Variants in MECR observed in about 807,000 individuals in gnomAD.
MECR encodes enoyl-[acyl-carrier-protein] reductase, mitochondrial.
Under a neutral mutation model 49.1 loss-of-function variants are expected in MECR, and 37 were observed. The observed-to-expected ratio is 0.75, with a 90% CI of 0.58 to 0.99. The LOEUF is 0.99. Among genes scored for constraint, MECR ranks in the 50% least tolerant of loss-of-function variants. The probability of loss-of-function intolerance (pLI) is 0.00; values close to 1 mark genes in which losing one functional copy is unlikely to be tolerated. For missense variants in MECR, 470 were observed against 479.6 expected (o/e 0.98, Z 0.19); for synonymous variants, 198 against 191.1 (o/e 1.04, Z -0.30).
chr1:29,180,452 T>G, the MECR span, among the ~76,000 whole-genome samples: 1 of 152,254 alleles, frequency 6.6e-6, no homozygotes, highest in African/African-American at 2.4e-5. Flanking sequence ...AAATGGCTTT[T>G]TAAACCCAAA....
the MECR span, among the ~76,000 whole-genome samples, chr1:29,178,353 C>CTTCTTTTTTTTTT: frequency 1.0e-3 from 134 of 127,858 alleles, 3 homozygotes; most frequent in Middle Eastern, 4.6e-3. Flanking sequence ...GTTTCAATTA[C>CTTCTTTTTTTTTT]TTTTTTTTTT....
At chr1:29,226,164 A>T (rs12084330) in intron 1 of MECR, among the ~76,000 whole-genome samples, 1 of 79,664 alleles carries the variant, frequency 1.3e-5, no homozygotes, top group Admixed American at 1.7e-4. Flanking sequence ...GCCAGGCTCT[A>T]TCTAAAAAAA....
At chr1:29,180,212 CA>C in the MECR span, among the ~76,000 whole-genome samples, 4 of 151,960 alleles carry the variant, frequency 2.6e-5, no homozygotes, top group Non-Finnish European at 5.9e-5. Flanking sequence ...ACTTTGTCCA[CA>C]AAAGTTAGTT....
the MECR span, among the ~76,000 whole-genome samples, chr1:29,187,353 C>A: frequency 1.3e-4 from 20 of 150,246 alleles, no homozygotes; most frequent in Non-Finnish European, 2.8e-4. Context: ...GCTGGGACTA[C>A]AGGCATGAGC....
the MECR span, among the ~76,000 whole-genome samples, chr1:29,174,487 T>A: frequency 6.6e-6 from 1 of 152,068 alleles, no homozygotes; most frequent in Admixed American, 6.5e-5. Flanking sequence ...ATAACATATG[T>A]ATGTTGGAGT....
chr1:29,200,347 A>G, intron 7 of MECR, 169 bp downstream of exon 7: 1 of 579,304 alleles, frequency 1.7e-6, no homozygotes, highest in Non-Finnish European at 2.9e-6. Flanking sequence ...GGGAAGGCTG[A>G]GAAACCAGTG....
the MECR span, chr1:29,181,789 C>T: frequency 4.6e-6 from 7 of 1,525,572 alleles, no homozygotes; most frequent in Non-Finnish European, 6.1e-6. Flanking sequence ...CCGGCCCCAG[C>T]CCCCCTTAGG....
At chr1:29,189,103 C>G (rs985321755), downstream of MECR, among the ~76,000 whole-genome samples, 1 of 152,032 alleles carries the variant, frequency 6.6e-6, no homozygotes, top group Non-Finnish European at 1.5e-5. Context: ...CCACTCCCGG[C>G]TAATTTTTGT....
At chr1:29,189,880 A>G (rs568162472), downstream of MECR, among the ~76,000 whole-genome samples, 8 of 152,258 alleles carry the variant, frequency 5.3e-5, no homozygotes, top group African/African-American at 1.9e-4. Context: ...AACTGCCACG[A>G]TTCCCTTTTT....
chr1:29,208,278 C>T (rs965724784), intron 3 of MECR, among the ~76,000 whole-genome samples: 2 of 152,362 alleles, frequency 1.3e-5, no homozygotes, highest in African/African-American at 4.8e-5. Context: ...AGGCGTGAGC[C>T]ACTGCGCCCG....
Position 29,193,047 on chromosome 1 carries a change from T to C in MECR, c.*975A>G, listed in dbSNP as rs1138121. ...GCAGTCTAGACCTCCCAGGCTCAGG[T>C]GATCCTCCCACCTCAACCTCCCGAG... On this transcript the variant is annotated 3_prime_UTR_variant, in exon 10 of 10. Transcript: ENST00000263702. 6.6e-6 allele frequency: 1 copy of C among 152,490 alleles called. No individual in the cohort carries two copies. The highest frequency in any genetic ancestry group is 2.0e-4 in the South Asian group (1 of 5,022). 9.4% of individuals were successfully genotyped at this position (152,490 alleles called of 1,614,324 possible).
chr1:29,182,535 C>T, the MECR span, among the ~76,000 whole-genome samples: 1 of 152,092 alleles, frequency 6.6e-6, no homozygotes, highest in Admixed American at 6.5e-5. Flanking sequence ...AATTACTTGA[C>T]CACAATCCAA....
At chr1:29,222,185 C>G (rs1254986284) in intron 1 of MECR, among the ~76,000 whole-genome samples, 1 of 152,216 alleles carries the variant, frequency 6.6e-6, no homozygotes, top group African/African-American at 2.4e-5. Context: ...GCTCCGCCTC[C>G]CGGGTTCAAG....
At chr1:29,199,861 T>A (rs1674896895) in intron 7 of MECR, among the ~76,000 whole-genome samples, 1 of 152,154 alleles carries the variant, frequency 6.6e-6, no homozygotes, top group Non-Finnish European at 1.5e-5. Context: ...CCTCAAGTGA[T>A]CTGCCTGTCT....
At chr1:29,195,849 C>T in intron 9 of MECR, 92 bp downstream of exon 9, 2 of 1,305,436 alleles carry the variant, frequency 1.5e-6, no homozygotes, top group South Asian at 2.4e-5. Context: ...GACCCAATCA[C>T]CCCTCCAGGG....
chr1:29,196,352 T>C (rs1447233657), intron 7 of MECR, 94 bp from the exon 8 acceptor site: 2 of 1,114,170 alleles, frequency 1.8e-6, no homozygotes, highest in African/African-American at 1.6e-5. Flanking sequence ...CCCTGGTTCC[T>C]TTATAAACCC....
intron 1 of MECR, among the ~76,000 whole-genome samples, chr1:29,217,356 C>A (rs1441623075): frequency 3.3e-5 from 5 of 150,542 alleles, no homozygotes; most frequent in Non-Finnish European, 1.5e-5. Flanking sequence ...ACTAGAGGTG[C>A]CTGCCACCAC....
intron 3 of MECR, among the ~76,000 whole-genome samples, chr1:29,207,926 G>A (rs1000204303): frequency 1.3e-5 from 2 of 152,028 alleles, no homozygotes; most frequent in Admixed American, 6.6e-5. Context: ...ACCAGGGCAG[G>A]AGAAGCTGAG....
rs575099488 is a variant in MECR, at chr1:29,215,922, T to A, written c.406+83A>T. On this transcript the variant is annotated intron_variant, in intron 3 of 9. Coordinates refer to ENST00000263702, the MANE Select transcript of MECR (RefSeq NM_016011.5). ...TAAACCCTGCATTACCCAGGTACAC[T>A]CGGCCAATCAGTGGATGCCGACAGA... 2.8e-5 allele frequency: 43 copies of A among 1,526,790 alleles called. No individual in the cohort carries two copies. The African/African-American group carries it at 5.8e-4, about 21-fold the overall frequency. 94.6% of individuals were successfully genotyped at this position (1,526,790 alleles called of 1,614,324 possible). A position where few individuals can be genotyped will look rare whatever the true frequency, so the allele number is the denominator to read the frequency against.
Sources: allele counts gnomAD v4.1 joint callset (sites outside exome capture counted in the v4.1 genomes callset), GRCh38; gene constraint gnomAD v4.1.1; transcripts MANE v1.5; gene names NCBI Gene and HGNC (gene_info 2026-07-23, HGNC 2026-07-21).